Variants in MRTFA observed in about 807,000 individuals in gnomAD.
MRTFA encodes the protein myocardin related transcription factor A, also known as myocardin-related transcription factor A.
MRTFA carries 20 observed loss-of-function variants against 83.5 expected under a neutral mutation model. The observed-to-expected ratio is 0.24, with a 90% CI of 0.17 to 0.35. The LOEUF (loss-of-function observed/expected upper bound fraction) is 0.35, where lower values mean the gene tolerates loss of function less well. Among genes scored for constraint, MRTFA ranks in the 10% least tolerant of loss-of-function variants. The pLI is 1.00. For missense variants in MRTFA, 1,200 were observed against 1,224.7 expected (o/e 0.98, Z 0.30); for synonymous variants, 659 against 541.2 (o/e 1.22, Z -3.02).
intron 3 of MRTFA, among the ~76,000 whole-genome samples, chr22:40,528,191 A>G (rs780454788): frequency 6.6e-6 from 1 of 152,180 alleles, no homozygotes; most frequent in East Asian, 1.9e-4. Flanking sequence ...TCCACTTCCC[A>G]GCGGGTGGAA....
At chr22:40,502,635 A>C (rs1220266397) in intron 3 of MRTFA, among the ~76,000 whole-genome samples, 1 of 147,530 alleles carries the variant, frequency 6.8e-6, no homozygotes, top group Admixed American at 6.7e-5. Flanking sequence ...GACACTCCTC[A>C]CTTCCCAGAC....
intron 1 of MRTFA, among the ~76,000 whole-genome samples, chr22:40,609,804 CTCAGAG>C (rs1334353901): frequency 3.3e-5 from 5 of 152,012 alleles, no homozygotes; most frequent in Non-Finnish European, 7.3e-5. Flanking sequence ...GCACTCCAGC[CTCAGAG>C]TCAGAGCAAG....
chr22:40,498,118 G>C (rs1486723780), intron 3 of MRTFA, among the ~76,000 whole-genome samples: 3 of 151,528 alleles, frequency 2.0e-5, no homozygotes, highest in Non-Finnish European at 4.4e-5. Flanking sequence ...CCAGCACCTG[G>C]GTGACAGAGT....
At chr22:40,471,944 T>G (rs2053923596) in intron 3 of MRTFA, among the ~76,000 whole-genome samples, 1 of 152,098 alleles carries the variant, frequency 6.6e-6, no homozygotes, top group Non-Finnish European at 1.5e-5. Flanking sequence ...AGAAAACACT[T>G]CCCCAACTCA....
chr22:40,606,916 T>C (rs1158221394), intron 1 of MRTFA, among the ~76,000 whole-genome samples: 1 of 152,178 alleles, frequency 6.6e-6, no homozygotes, highest in Non-Finnish European at 1.5e-5. Context: ...CAAAAATCAT[T>C]ATCAAGCTCA....
At chr22:40,554,918 C>T (rs1394943677) in intron 2 of MRTFA, among the ~76,000 whole-genome samples, 4 of 152,234 alleles carry the variant, frequency 2.6e-5, no homozygotes, top group Non-Finnish European at 5.9e-5. Context: ...GAATGTGGGA[C>T]ATGGAGTCAA....
Position 40,420,484 on chromosome 22 carries a change from G to A in MRTFA, c.1274C>T (p.Pro425Leu), listed in dbSNP as rs140469890. The change falls in exon 11 of 15, where the codon CCC becomes CTC. Residue 425 changes from proline (P) to leucine (L), a missense_variant. Around this residue, in one of 2 missense-constraint regions of MRTFA, gnomAD observed 1,107 missense variants for 1,041.8 expected, o/e 1.06. Coordinates refer to ENST00000355630, the MANE Select transcript of MRTFA (RefSeq NM_020831.6). Reference sequence around the variant, plus strand: ...GCTGTTCTGACGTGCCAGCCCACAGGGCCCAGGGGCGCCCGAGCTGGAGCT... The same window carrying A: ...GCTGTTCTGACGTGCCAGCCCACAGAGCCCAGGGGCGCCCGAGCTGGAGCT... 50 of 1,613,662 alleles carry A rather than the reference G, an allele frequency of 3.1e-5. No homozygotes were observed. The highest frequency in any genetic ancestry group is 3.8e-5 in the Non-Finnish European group (45 of 1,180,038).
intron 3 of MRTFA, among the ~76,000 whole-genome samples, chr22:40,502,943 A>G (rs1461492017): frequency 2.6e-5 from 4 of 152,114 alleles, no homozygotes; most frequent in African/African-American, 9.7e-5. Context: ...TCCTAGTGTC[A>G]CAGAGGATAC....
At chr22:40,503,652 C>T (rs549183281) in intron 3 of MRTFA, among the ~76,000 whole-genome samples, 11 of 152,272 alleles carry the variant, frequency 7.2e-5, no homozygotes, top group East Asian at 1.9e-4. Flanking sequence ...ACTGGCTGGG[C>T]GCAGTGGCTC....
chr22:40,610,172 G>C (rs1031886279), intron 1 of MRTFA, among the ~76,000 whole-genome samples: 2 of 150,040 alleles, frequency 1.3e-5, no homozygotes, highest in Non-Finnish European at 3.0e-5. Flanking sequence ...TCAGCCTCCC[G>C]GGTAGCTGGG....
intron 2 of MRTFA, among the ~76,000 whole-genome samples, chr22:40,571,251 C>T (rs553761466): frequency 1.1e-4 from 17 of 151,900 alleles, no homozygotes; most frequent in Non-Finnish European, 1.8e-4. Flanking sequence ...GCCTACCTCA[C>T]ACCATACACA....
At chr22:40,498,273 ATTTTT>A (rs1189933906) in intron 3 of MRTFA, among the ~76,000 whole-genome samples, 4 of 40,964 alleles carry the variant, frequency 9.8e-5, no homozygotes, top group Admixed American at 3.3e-4. Flanking sequence ...ATATATATAT[ATTTTT>A]TTTTTTTTTT....
intron 4 of MRTFA, among the ~76,000 whole-genome samples, chr22:40,445,507 T>C (rs1466166389): frequency 6.6e-6 from 1 of 152,172 alleles, no homozygotes; most frequent in African/African-American, 2.4e-5. Context: ...GCTGTTTAGA[T>C]TTTTCCCCCA....
At chr22:40,580,289 C>A (rs2055928224) in intron 2 of MRTFA, among the ~76,000 whole-genome samples, 1 of 152,128 alleles carries the variant, frequency 6.6e-6, no homozygotes, top group Non-Finnish European at 1.5e-5. Context: ...GCCTCAAACT[C>A]CTGGGCTCAA....
intron 1 of MRTFA, among the ~76,000 whole-genome samples, chr22:40,618,246 T>C (rs1390762160): frequency 2.0e-5 from 3 of 149,712 alleles, no homozygotes; most frequent in Admixed American, 2.0e-4. Context: ...GGCTAATTTT[T>C]TGTATTTTTT....
intron 3 of MRTFA, among the ~76,000 whole-genome samples, chr22:40,518,795 CAAAAAAAAAAAAAAAA>C (rs879690699): frequency 4.0e-4 from 27 of 68,146 alleles, no homozygotes; most frequent in African/African-American, 1.5e-3. Context: ...ACTCTGTCTC[CAAAAAAAAAAAAAAAA>C]AAAAAAAAAA....
chr22:40,528,513 G>A (rs956215707), intron 3 of MRTFA, among the ~76,000 whole-genome samples: 8 of 151,784 alleles, frequency 5.3e-5, no homozygotes, highest in South Asian at 2.1e-4. Flanking sequence ...AGAGGCGGGC[G>A]GATCACCTGA....
At chr22:40,619,706 A>G (rs1041075924) in intron 1 of MRTFA, among the ~76,000 whole-genome samples, 30 of 151,670 alleles carry the variant, frequency 2.0e-4, no homozygotes, top group Non-Finnish European at 1.0e-4. Flanking sequence ...TGGCTAACAC[A>G]GTGAAACCCC....
Position 40,423,662 on chromosome 22 carries a change from G to T in MRTFA, c.801C>A (p.Gly267=). The T allele has an allele frequency of 6.3e-7, 1 of 1,576,418 alleles. No individual in the cohort carries two copies. The highest frequency in any genetic ancestry group is 8.6e-7 in the Non-Finnish European group (1 of 1,160,390). Reference sequence around the variant, plus strand: ...GGAAAAGCATTTCTCTGGAATCCCGGCCCATCGGAAGTTGAGACACAACCT... The same window carrying T: ...GGAAAAGCATTTCTCTGGAATCCCGTCCCATCGGAAGTTGAGACACAACCT... Residue 267 remains glycine (G), a synonymous_variant, in exon 9 of 15, where the codon GGC becomes GGA. Transcript: ENST00000355630.
Sources: gnomAD v4.1 joint callset for allele counts (sites outside exome capture counted in the v4.1 genomes callset) on GRCh38, gnomAD v4.1.1 for gene constraint, gnomAD v4.1.1 regional missense constraint, MANE v1.5 for transcripts, NCBI Gene and HGNC (gene_info 2026-07-23, HGNC 2026-07-21) for gene names.